Variants in TLL1 observed in about 807,000 individuals in gnomAD.
TLL1 encodes tolloid like 1.
TLL1 carries 49 observed loss-of-function variants against 128.2 expected under a neutral mutation model. The observed-to-expected ratio is 0.38, with a 90% CI of 0.30 to 0.48. TLL1 has a LOEUF of 0.48. Among genes scored for constraint, TLL1 ranks in the 20% least tolerant of loss-of-function variants. The pLI, the probability that TLL1 is intolerant of heterozygous loss-of-function variation, is 0.96. For missense variants in TLL1, 1,123 were observed against 1,242.0 expected (o/e 0.90, Z 1.44); for synonymous variants, 454 against 418.8 (o/e 1.08, Z -1.03).
At chr4:165,957,876 C>T (rs1167643744) in intron 1 of TLL1, among the ~76,000 whole-genome samples, 2 of 108,256 alleles carry the variant, frequency 1.8e-5, no homozygotes, top group African/African-American at 7.2e-5. Context: ...CCCCACCCCA[C>T]AACAGTCCCC....
At chr4:165,983,747 T>A in intron 1 of TLL1, among the ~76,000 whole-genome samples, 1 of 151,946 alleles carries the variant, frequency 6.6e-6, no homozygotes, top group African/African-American at 2.4e-5. Flanking sequence ...TTTCTTTATT[T>A]TTTTCTTCCT....
At chr4:165,968,314 T>A (rs1735482487) in intron 1 of TLL1, among the ~76,000 whole-genome samples, 1 of 152,178 alleles carries the variant, frequency 6.6e-6, no homozygotes. Context: ...TCATATGATA[T>A]ACCTAAAGGA....
intron 1 of TLL1, among the ~76,000 whole-genome samples, chr4:165,895,131 T>G (rs1405094442): frequency 6.6e-6 from 1 of 152,084 alleles, no homozygotes; most frequent in East Asian, 1.9e-4. Context: ...ATCTTGTCAA[T>G]GCAATAAGTC....
intron 1 of TLL1, among the ~76,000 whole-genome samples, chr4:165,938,223 G>A (rs1205282118): frequency 6.6e-6 from 1 of 151,938 alleles, no homozygotes; most frequent in Admixed American, 6.6e-5. Flanking sequence ...CCATCCCATT[G>A]TTTTTTAGTG....
chr4:165,912,022 C>T (rs577979028), intron 1 of TLL1, among the ~76,000 whole-genome samples: 13 of 152,206 alleles, frequency 8.5e-5, no homozygotes, highest in Non-Finnish European at 1.5e-5. Context: ...ACTACAGGCA[C>T]CCGCCACCAT....
intron 9 of TLL1, among the ~76,000 whole-genome samples, chr4:166,027,715 G>C (rs17505717): frequency 0.13 from 19,871 of 152,086 alleles, 1,312 homozygotes; most frequent in South Asian, 0.14. Context: ...TTGAGAACAA[G>C]TTTAAAGTAT....
At chr4:165,948,980 G>A (rs1210103212) in intron 1 of TLL1, among the ~76,000 whole-genome samples, 1 of 152,034 alleles carries the variant, frequency 6.6e-6, no homozygotes, top group Non-Finnish European at 1.5e-5. Flanking sequence ...GCTGTGAAGG[G>A]ACTTTTCAGA....
chr4:165,991,769 T>G (rs1736645913), intron 2 of TLL1, among the ~76,000 whole-genome samples: 3 of 151,992 alleles, frequency 2.0e-5, no homozygotes, highest in Non-Finnish European at 4.4e-5. Flanking sequence ...TAGTTCAAGT[T>G]GTCGTCGTGG....
Position 166,043,525 on chromosome 4 carries a change from A to G in TLL1, c.1524+106A>G. 4 of 1,530,380 alleles carry G rather than the reference A, an allele frequency of 2.6e-6. No homozygotes were observed. The South Asian group carries it at 4.5e-5, about 17-fold the overall frequency. 94.8% of individuals were successfully genotyped at this position (1,530,380 alleles called of 1,614,324 possible). On this transcript the variant is annotated intron_variant, in intron 12 of 20. Coordinates refer to ENST00000061240, the MANE Select transcript of TLL1 (RefSeq NM_012464.5). ...CAAAGAAACAGAGAGTCAGCCTTTTAATCAGCAAAGAAGCAAAGGATCGCT... is the reference window on the plus strand; with the variant it reads ...CAAAGAAACAGAGAGTCAGCCTTTTGATCAGCAAAGAAGCAAAGGATCGCT...
intron 1 of TLL1, among the ~76,000 whole-genome samples, chr4:165,895,740 G>T (rs533469200): frequency 2.0e-5 from 3 of 148,030 alleles, no homozygotes; most frequent in Admixed American, 6.7e-5. Flanking sequence ...AGAAGAAAAA[G>T]GTGGGAGGAC....
intron 10 of TLL1, among the ~76,000 whole-genome samples, chr4:166,041,677 G>C (rs141436049): frequency 1.3e-3 from 199 of 152,198 alleles, no homozygotes; most frequent in African/African-American, 4.5e-3. Context: ...AGGGTGACTT[G>C]CACCTTTTTT....
chr4:165,874,698 T>G (rs1730645405), intron 1 of TLL1, among the ~76,000 whole-genome samples: 1 of 152,248 alleles, frequency 6.6e-6, no homozygotes, highest in Non-Finnish European at 1.5e-5. Flanking sequence ...TGTTTTTAAG[T>G]TGCTACCCCA....
In TLL1 at chr4:166,007,565, C is replaced by G. The variant is rs147935232; in HGVS notation, c.812-378C>G. Among the ~76,000 whole-genome samples the G allele has an allele frequency of 3.3e-5, 5 of 151,606 alleles. No individual in the cohort carries two copies. The East Asian group carries it at 9.7e-4, about 29-fold the overall frequency. On this transcript the variant is annotated intron_variant, in intron 6 of 20. Transcript: ENST00000061240. ...ATGATTTTTGTATGACCTGGAAAAC[C>G]TAGTCATAAAAATGGGAAACTCATA...
intron 1 of TLL1, among the ~76,000 whole-genome samples, chr4:165,969,174 A>T (rs964361464): frequency 6.6e-6 from 1 of 152,042 alleles, no homozygotes; most frequent in African/African-American, 2.4e-5. Flanking sequence ...GAACCTGGAA[A>T]TTTTATCTTG....
At chr4:166,087,377 T>C (rs1314062018) in intron 18 of TLL1, among the ~76,000 whole-genome samples, 1 of 152,120 alleles carries the variant, frequency 6.6e-6, no homozygotes, top group Non-Finnish European at 1.5e-5. Context: ...AGAGGACTCA[T>C]GGAGAAAAAA....
chr4:165,904,756 T>TA (rs1213439839), intron 1 of TLL1, among the ~76,000 whole-genome samples: 1 of 152,194 alleles, frequency 6.6e-6, no homozygotes, highest in Non-Finnish European at 1.5e-5. Context: ...TCAATTCACA[T>TA]CTTTGATGAA....
At chr4:165,965,806 A>G (rs1735339079) in intron 1 of TLL1, among the ~76,000 whole-genome samples, 3 of 152,192 alleles carry the variant, frequency 2.0e-5, no homozygotes, top group Admixed American at 1.3e-4. Context: ...TTTGATGTGG[A>G]ATGCTCACTT....
chr4:165,934,664 GTTCT>G (rs1260316617), intron 1 of TLL1, among the ~76,000 whole-genome samples: 1 of 152,166 alleles, frequency 6.6e-6, no homozygotes, highest in Non-Finnish European at 1.5e-5. Flanking sequence ...TCTGTACCAC[GTTCT>G]TTCTTTAACA....
intron 1 of TLL1, among the ~76,000 whole-genome samples, chr4:165,893,668 GA>G (rs1037918714): frequency 1.3e-5 from 2 of 151,848 alleles, no homozygotes; most frequent in African/African-American, 2.4e-5. Flanking sequence ...AAAGAAAAAA[GA>G]AAAAAAATTC....
Sources: gnomAD v4.1 joint callset for allele counts (sites outside exome capture counted in the v4.1 genomes callset) on GRCh38, gnomAD v4.1.1 for gene constraint, MANE v1.5 for transcripts, NCBI Gene and HGNC (gene_info 2026-07-23, HGNC 2026-07-21) for gene names.